ATL1: variants seen among roughly 807,000 people sequenced by gnomAD.
ATL1 encodes atlastin GTPase 1, also known as atlastin-1.
In ATL1, 31 loss-of-function variants were observed where a neutral mutation model predicts 75.5. The observed-to-expected ratio is 0.41, with a 90% confidence interval of 0.31 to 0.55. The LOEUF (loss-of-function observed/expected upper bound fraction) is 0.55, where lower values mean the gene tolerates loss of function less well. ATL1 is among the 20% of genes least tolerant of loss of function. The pLI, the probability that ATL1 is intolerant of heterozygous loss-of-function variation, is 0.27. For synonymous variants in ATL1, 226 were observed against 233.3 expected (o/e 0.97, Z 0.28); for missense variants, 405 against 662.6 (o/e 0.61, Z 4.27).
intron 7 of ATL1, 73 bp from the exon 8 acceptor site, chr14:50,614,300 T>C (rs942215891): frequency 1.3e-5 from 20 of 1,518,046 alleles, no homozygotes; most frequent in Non-Finnish European, 1.8e-5. Context: ...ACATAGCAAA[T>C]ATAAGATGCC....
intron 6 of ATL1, 132 bp downstream of exon 6, chr14:50,595,764 A>G: frequency 1.3e-6 from 1 of 759,634 alleles, no homozygotes; most frequent in Non-Finnish European, 2.2e-6. Flanking sequence ...ATTTTATGCT[A>G]TTTGATGCAA....
At chr14:50,548,478 A>G (rs1033930744) in intron 1 of ATL1, among the ~76,000 whole-genome samples, 3 of 152,162 alleles carry the variant, frequency 2.0e-5, no homozygotes, top group African/African-American at 7.2e-5. Flanking sequence ...AAAGCAGCCA[A>G]TGGGAATGGT....
At position 50,588,008 on chromosome 14, in the gene ATL1, C is replaced by G; in HGVS notation, c.212C>G (p.Ser71Cys). The G allele has an allele frequency of 6.2e-7, 1 of 1,614,166 alleles. No homozygotes were observed. The highest frequency in any genetic ancestry group is 8.5e-7 in the Non-Finnish European group (1 of 1,180,030). The change falls in exon 2 of 14, where the codon TCT (serine) becomes TGT (cysteine). Residue 71 changes from serine (S) to cysteine (C), a missense_variant. This residue lies in a region of ATL1 where 126 missense variants were observed against 172.0 expected (regional missense o/e 0.73). Coordinates refer to ENST00000358385, the MANE Select transcript of ATL1 (RefSeq NM_015915.5). ...AVRDKEVVAVSVAGAFRKGKS... is the reference protein window; with the variant it reads ...AVRDKEVVAVCVAGAFRKGKS... ...AGAGACAAGGAGGTTGTTGCTGTAT[C>G]TGTTGCTGGAGCATTTAGAAAAGGA... is the stretch of plus-strand genomic sequence containing the variant.
chr14:50,535,788 CA>C (rs1196712975), intron 1 of ATL1, among the ~76,000 whole-genome samples: 1 of 152,144 alleles, frequency 6.6e-6, no homozygotes. Flanking sequence ...AATTGATCAT[CA>C]GATATGTTAC....
chr14:50,548,408 G>A (rs1428761236), intron 1 of ATL1, among the ~76,000 whole-genome samples: 1 of 152,186 alleles, frequency 6.6e-6, no homozygotes, highest in Non-Finnish European at 1.5e-5. Context: ...CACTGCCACA[G>A]GATCCTTTTG....
chr14:50,568,097 G>C (rs1298662354), intron 1 of ATL1, among the ~76,000 whole-genome samples: 1 of 152,164 alleles, frequency 6.6e-6, no homozygotes, highest in Admixed American at 6.5e-5. Context: ...GGATATTGAA[G>C]TCTCCAACTG....
intron 1 of ATL1, among the ~76,000 whole-genome samples, chr14:50,567,333 A>G (rs1400331138): frequency 6.6e-6 from 1 of 152,198 alleles, no homozygotes; most frequent in African/African-American, 2.4e-5. Flanking sequence ...TTCCGTTGTA[A>G]GTATACACCA....
Position 50,621,880 on chromosome 14 carries a change from A to G in ATL1, c.1028A>G (p.His343Arg). Residue 343 changes from histidine to arginine, a missense_variant, in exon 10 of 14, where the codon CAT (histidine) becomes CGT (arginine). This residue lies in a region of ATL1 where 56 missense variants were observed against 66.6 expected (regional missense o/e 0.84). Coordinates refer to ENST00000358385, the MANE Select transcript of ATL1 (RefSeq NM_015915.5). ...ATCTATCAAGGTGAAGAATTACCAC[A>G]TCCCAAATCCATGTTACAGGTATTT... ...IKIYQGEELP[H>R]PKSMLQATAE... 6.2e-7 allele frequency: 1 copy of G among 1,600,776 alleles called. No individual in the cohort carries two copies. Among genetic ancestry groups the G allele is most frequent in the Non-Finnish European group, 8.6e-7 (1 of 1,168,602 alleles).
intron 3 of ATL1, 132 bp from the exon 4 acceptor site, chr14:50,591,403 G>C (rs2039156628): frequency 1.5e-6 from 1 of 659,614 alleles, no homozygotes; most frequent in Admixed American, 2.8e-5. Flanking sequence ...GGCATTCATG[G>C]CATGTGTAAG....
chr14:50,607,985 A>G (rs959261399), intron 6 of ATL1, among the ~76,000 whole-genome samples: 1 of 152,054 alleles, frequency 6.6e-6, no homozygotes, highest in African/African-American at 2.4e-5. Flanking sequence ...AATTTCCTGA[A>G]AGATATAGTC....
At chr14:50,575,671 C>G (rs938794178) in intron 1 of ATL1, among the ~76,000 whole-genome samples, 1 of 152,058 alleles carries the variant, frequency 6.6e-6, no homozygotes, top group Non-Finnish European at 1.5e-5. Context: ...GAGATAGTTT[C>G]CTTGGTGGTA....
Position 50,620,612 on chromosome 14 carries a change from A to G in ATL1, c.876A>G (p.Glu292=). 1 of 1,613,112 alleles carries G rather than the reference A, an allele frequency of 6.2e-7. No homozygotes were observed. Among genetic ancestry groups the G allele is most frequent in the Non-Finnish European group, 8.5e-7 (1 of 1,179,276 alleles). Residue 292 remains glutamate, a synonymous_variant, in exon 9 of 14, where the codon GAA becomes GAG. Transcript: ENST00000358385. ...TTTTACTTGTAGAAATAGATGATGA[A>G]TTCATCAAAAACTTGAAAATACTGA... ...FDGKLKEIDD[E]FIKNLKILIP...
At chr14:50,584,673 C>T (rs1485501618) in intron 1 of ATL1, among the ~76,000 whole-genome samples, 1 of 151,904 alleles carries the variant, frequency 6.6e-6, no homozygotes, top group Non-Finnish European at 1.5e-5. Flanking sequence ...CGCGCCACTG[C>T]ACTCCAGCCT....
At chr14:50,581,640 G>T (rs1283649101) in intron 1 of ATL1, among the ~76,000 whole-genome samples, 1 of 151,912 alleles carries the variant, frequency 6.6e-6, no homozygotes, top group Non-Finnish European at 1.5e-5. Flanking sequence ...ATATCTTCTT[G>T]TTACTGATTT....
intron 1 of ATL1, among the ~76,000 whole-genome samples, chr14:50,570,715 G>A (rs2038947518): frequency 6.6e-6 from 1 of 152,070 alleles, no homozygotes; most frequent in Non-Finnish European, 1.5e-5. Context: ...CTTTCTCTAG[G>A]ACAGTTTCTG....
chr14:50,595,414 C>G (rs925206482), intron 5 of ATL1, among the ~76,000 whole-genome samples, 162 bp from the exon 6 acceptor site: 4 of 151,944 alleles, frequency 2.6e-5, no homozygotes, highest in Admixed American at 6.6e-5. Context: ...ATGCTTATTT[C>G]CTAAAAATGA....
At chr14:50,622,861 A>G (rs552119864) in intron 10 of ATL1, among the ~76,000 whole-genome samples, 3 of 152,204 alleles carry the variant, frequency 2.0e-5, no homozygotes, top group African/African-American at 7.2e-5. Context: ...ATTATTCCCC[A>G]TGAGTTTGGG....
intron 1 of ATL1, among the ~76,000 whole-genome samples, chr14:50,533,821 A>T (rs965043983): frequency 1.4e-4 from 21 of 152,148 alleles, no homozygotes; most frequent in Non-Finnish European, 2.4e-4. Context: ...CTTATTGTTG[A>T]TAATTGTATA....
intron 2 of ATL1, among the ~76,000 whole-genome samples, chr14:50,589,757 A>G (rs2140203701): frequency 6.6e-6 from 1 of 152,334 alleles, no homozygotes; most frequent in African/African-American, 2.4e-5. Context: ...AAAGCTCTTG[A>G]TAACGGTCTA....
Sources: gnomAD v4.1 joint callset for allele counts (sites outside exome capture counted in the v4.1 genomes callset) on GRCh38, gnomAD v4.1.1 for gene constraint, gnomAD v4.1.1 regional missense constraint, MANE v1.5 for transcripts, NCBI Gene and HGNC (gene_info 2026-07-23, HGNC 2026-07-21) for gene names.